The following NXPE2 variants were observed in gnomAD, a reference collection of about 807,000 sequenced individuals.
The protein encoded by NXPE2 is neurexophilin and PC-esterase domain family member 2, also known as NXPE family member 2.
NXPE2 carries 34 observed loss-of-function variants against 34.4 expected under a neutral mutation model. The ratio of observed to expected loss-of-function variants is 0.99; its 90% CI spans 0.75 to 1.31. The LOEUF (loss-of-function observed/expected upper bound fraction) is 1.31. Ranked by LOEUF, NXPE2 falls within the 40% of genes most tolerant of loss-of-function variation. The probability of loss-of-function intolerance (pLI) is 0.00; values close to 1 mark genes in which losing one functional copy is unlikely to be tolerated. For synonymous variants in NXPE2, 235 were observed against 231.3 expected, an observed-to-expected ratio of 1.02 and a Z score of -0.15; for missense variants, 649 against 672.5, an observed-to-expected ratio of 0.97 and a Z score of 0.39.
the NXPE2 span, among the ~76,000 whole-genome samples, chr11:114,672,536 G>T: frequency 1.3e-5 from 2 of 151,852 alleles, no homozygotes; most frequent in Non-Finnish European, 2.9e-5. Flanking sequence ...TGCCAGACTG[G>T]TTAATGGGAC....
chr11:114,574,185 T>C, the NXPE2 span, among the ~76,000 whole-genome samples: 1 of 152,018 alleles, frequency 6.6e-6, no homozygotes, highest in African/African-American at 2.4e-5. Context: ...ATACAAGCTA[T>C]CAAAACCTCT....
the NXPE2 span, among the ~76,000 whole-genome samples, chr11:114,664,350 T>C: frequency 2.6e-4 from 40 of 152,320 alleles, no homozygotes; most frequent in East Asian, 7.3e-3. Context: ...GGACAAGGGC[T>C]GAACACAAAG....
the NXPE2 span, among the ~76,000 whole-genome samples, chr11:114,760,767 C>T: frequency 6.6e-6 from 1 of 152,114 alleles, no homozygotes; most frequent in East Asian, 1.9e-4. Context: ...CATTTTAAGG[C>T]CAGGGACAAT....
chr11:114,793,662 G>T, the NXPE2 span, among the ~76,000 whole-genome samples: 3 of 152,182 alleles, frequency 2.0e-5, no homozygotes, highest in Non-Finnish European at 4.4e-5. Context: ...TGAAGGTAAA[G>T]CACAGACTGT....
chr11:114,473,697 A>G, the NXPE2 span, among the ~76,000 whole-genome samples: 1 of 152,232 alleles, frequency 6.6e-6, no homozygotes, highest in Non-Finnish European at 1.5e-5. Flanking sequence ...TGTCTTTATC[A>G]AAAGCATTCT....
chr11:114,703,421 T>C (rs977289314), intron 3 of NXPE2, among the ~76,000 whole-genome samples: 4 of 152,242 alleles, frequency 2.6e-5, no homozygotes, highest in African/African-American at 9.6e-5. Flanking sequence ...CTTGTTATTA[T>C]AGAAATCCAA....
chr11:114,601,806 A>G, the NXPE2 span, among the ~76,000 whole-genome samples: 41 of 74,606 alleles, frequency 5.5e-4, 1 homozygote, highest in South Asian at 4.2e-4. Flanking sequence ...ATGATTATAT[A>G]TTATATAATT....
the NXPE2 span, among the ~76,000 whole-genome samples, chr11:114,641,300 T>TA: frequency 5.3e-5 from 8 of 152,002 alleles, no homozygotes; most frequent in South Asian, 2.1e-4. Context: ...AAAGGTAGTG[T>TA]AAAAAATCCA....
At chr11:114,534,340 C>A in the NXPE2 span, among the ~76,000 whole-genome samples, 1 of 152,182 alleles carries the variant, frequency 6.6e-6, no homozygotes, top group Non-Finnish European at 1.5e-5. Context: ...GGGGAAAAAA[C>A]AGAGCAGAAA....
chr11:114,662,031 G>T, the NXPE2 span, among the ~76,000 whole-genome samples: 1 of 152,056 alleles, frequency 6.6e-6, no homozygotes, highest in Admixed American at 6.6e-5. Flanking sequence ...CCTACCCCCC[G>T]CAAGGACACC....
At chr11:114,633,167 A>C in the NXPE2 span, among the ~76,000 whole-genome samples, 1 of 127,400 alleles carries the variant, frequency 7.8e-6, no homozygotes, top group East Asian at 2.2e-4. Context: ...ATTTTATTTT[A>C]TATAATTTAT....
chr11:114,664,179 T>C, the NXPE2 span, among the ~76,000 whole-genome samples: 1 of 152,210 alleles, frequency 6.6e-6, no homozygotes, highest in Non-Finnish European at 1.5e-5. Flanking sequence ...CTGAATGCTG[T>C]AATTCAGTGG....
chr11:114,518,770 T>C, the NXPE2 span, among the ~76,000 whole-genome samples: 23 of 152,344 alleles, frequency 1.5e-4, no homozygotes, highest in Admixed American at 1.5e-3. Flanking sequence ...CAAATTTACT[T>C]ACCTCAGCCC....
At chr11:114,613,701 C>G in the NXPE2 span, among the ~76,000 whole-genome samples, 1 of 151,594 alleles carries the variant, frequency 6.6e-6, no homozygotes, top group Non-Finnish European at 1.5e-5. Flanking sequence ...TGGGGAGCCA[C>G]TGTTACCCAG....
chr11:114,787,119 G>A, the NXPE2 span, among the ~76,000 whole-genome samples: 3 of 152,112 alleles, frequency 2.0e-5, no homozygotes, highest in South Asian at 2.1e-4. Context: ...ACACTTTCCC[G>A]GAGCTCCCTC....
the NXPE2 span, among the ~76,000 whole-genome samples, chr11:114,726,806 G>T: frequency 4.6e-5 from 7 of 152,100 alleles, no homozygotes; most frequent in Middle Eastern, 3.4e-3. Context: ...CTCAAACACG[G>T]TTTATCCAAG....
the NXPE2 span, among the ~76,000 whole-genome samples, chr11:114,796,764 A>G: frequency 2.0e-5 from 3 of 152,202 alleles, no homozygotes. Flanking sequence ...TAACTAACCA[A>G]TCCCAACATA....
At chr11:114,650,834 G>A in the NXPE2 span, among the ~76,000 whole-genome samples, 2 of 147,118 alleles carry the variant, frequency 1.4e-5, no homozygotes, top group African/African-American at 4.9e-5. Context: ...GGCTGGACCC[G>A]GAAAACAGAG....
chr11:114,597,666 G>A, the NXPE2 span, among the ~76,000 whole-genome samples: 3 of 151,998 alleles, frequency 2.0e-5, no homozygotes, highest in Admixed American at 6.6e-5. Flanking sequence ...GAAGTGGCTG[G>A]TTGATTCCAT....
Sources: allele counts gnomAD v4.1 joint callset (sites outside exome capture counted in the v4.1 genomes callset), GRCh38; gene constraint gnomAD v4.1.1; transcripts MANE v1.5; gene names NCBI Gene and HGNC (gene_info 2026-07-23, HGNC 2026-07-21).